Variants in FSHR observed in about 807,000 individuals in gnomAD.
FSHR encodes follicle-stimulating hormone receptor.
FSHR carries 46 observed loss-of-function variants against 52.1 expected under a neutral mutation model. The ratio of observed to expected loss-of-function variants is 0.88; its 90% confidence interval spans 0.70 to 1.13. The LOEUF is 1.13. Ranked by LOEUF, FSHR falls within the 50% of genes most tolerant of loss-of-function variation. The pLI, the probability that FSHR is intolerant of heterozygous loss-of-function variation, is 0.00. For synonymous variants in FSHR, 399 were observed against 309.6 expected, an observed-to-expected ratio of 1.29 and a Z score of -3.03; for missense variants, 964 against 834.6, an observed-to-expected ratio of 1.16 and a Z score of -1.91.
chr2:49,045,666 C>G (rs1315875613), intron 2 of FSHR, among the ~76,000 whole-genome samples: 1 of 152,072 alleles, frequency 6.6e-6, no homozygotes. Flanking sequence ...AATGGATACA[C>G]CTTATTTGAG....
At chr2:49,020,531 T>G (rs1365738373) in intron 2 of FSHR, among the ~76,000 whole-genome samples, 1 of 151,658 alleles carries the variant, frequency 6.6e-6, no homozygotes, top group Non-Finnish European at 1.5e-5. Flanking sequence ...TTTACAGGGC[T>G]AGATAGTAAA....
chr2:49,127,969 C>T (rs1191167418), intron 1 of FSHR, among the ~76,000 whole-genome samples: 2 of 148,380 alleles, frequency 1.3e-5, no homozygotes, highest in Non-Finnish European at 3.0e-5. Context: ...CTCCACTCAC[C>T]GCAACCTCTG....
intron 2 of FSHR, among the ~76,000 whole-genome samples, chr2:49,066,484 TC>T (rs1257812597): frequency 1.3e-5 from 2 of 152,046 alleles, no homozygotes; most frequent in East Asian, 3.9e-4. Flanking sequence ...CAGGTTCAGT[TC>T]AGTGCTGGGC....
At chr2:48,964,070 T>A in intron 9 of FSHR, 104 bp from the exon 10 acceptor site, 1 of 1,191,636 alleles carries the variant, frequency 8.4e-7, no homozygotes. Context: ...TTCCTGAGAT[T>A]TTTTTTTTTT....
chr2:48,984,140 C>T (rs939540928), intron 6 of FSHR, among the ~76,000 whole-genome samples: 1 of 152,182 alleles, frequency 6.6e-6, no homozygotes, highest in Non-Finnish European at 1.5e-5. Context: ...CTTTCCTGGG[C>T]TGCCATGGGT....
rs1362038315 is a variant in FSHR at position 48,963,378 on chromosome 2, C to T, written c.1443G>A (p.Val481=). The T allele has an allele frequency of 3.1e-6, 5 of 1,613,924 alleles. No individual in the cohort carries two copies. In the South Asian group the frequency reaches 5.5e-5, roughly 18 times the overall value. The change falls in exon 10 of 10, where the codon GTG becomes GTA. Residue 481 remains valine (V), a synonymous_variant. Transcript: ENST00000406846. Reference sequence around the variant, plus strand: ...TGACACTGGCAGCATGGCGGAGCTGCACCTTGCAGTCCAGCTGCATGGCAT... The same window carrying T: ...TGACACTGGCAGCATGGCGGAGCTGTACCTTGCAGTCCAGCTGCATGGCAT... ...ITHAMQLDCK[V]QLRHAASVMV...
chr2:49,105,737 C>A (rs543151300), intron 1 of FSHR, among the ~76,000 whole-genome samples: 2 of 152,130 alleles, frequency 1.3e-5, no homozygotes, highest in African/African-American at 4.8e-5. Flanking sequence ...CAGCTGCCTG[C>A]AAGCTGCCCC....
At chr2:49,111,942 G>C (rs1459817686) in intron 1 of FSHR, among the ~76,000 whole-genome samples, 1 of 152,162 alleles carries the variant, frequency 6.6e-6, no homozygotes, top group Non-Finnish European at 1.5e-5. Flanking sequence ...AGGAAGTAGG[G>C]CTGACAATAT....
intron 8 of FSHR, among the ~76,000 whole-genome samples, chr2:48,976,599 A>G (rs1331147460): frequency 4.6e-5 from 7 of 152,136 alleles, no homozygotes; most frequent in Non-Finnish European, 1.0e-4. Flanking sequence ...TTGGCTGTGA[A>G]TCTGTCTGGT....
At chr2:49,144,377 C>T (rs1672794951) in intron 1 of FSHR, among the ~76,000 whole-genome samples, 1 of 152,132 alleles carries the variant, frequency 6.6e-6, no homozygotes, top group Non-Finnish European at 1.5e-5. Context: ...ATCTGACTAG[C>T]ATAACTATTT....
At chr2:48,964,800 A>T (rs1224740587) in intron 9 of FSHR, among the ~76,000 whole-genome samples, 1 of 152,158 alleles carries the variant, frequency 6.6e-6, no homozygotes, top group Non-Finnish European at 1.5e-5. Context: ...TGTCAACAGG[A>T]TAGAGGTACT....
At chr2:49,071,949 T>C (rs1210591383) in intron 1 of FSHR, among the ~76,000 whole-genome samples, 1 of 152,086 alleles carries the variant, frequency 6.6e-6, no homozygotes, top group Non-Finnish European at 1.5e-5. Context: ...CACCTCCCAC[T>C]AGGTCACATC....
At chr2:48,973,392 T>G (rs1485321256) in intron 8 of FSHR, among the ~76,000 whole-genome samples, 1 of 152,194 alleles carries the variant, frequency 6.6e-6, no homozygotes, top group Non-Finnish European at 1.5e-5. Flanking sequence ...CCGCCTGAGC[T>G]GACATTGCAT....
intron 1 of FSHR, among the ~76,000 whole-genome samples, chr2:49,118,392 G>A (rs72879877): frequency 0.048 from 7,298 of 152,168 alleles, 523 homozygotes; most frequent in African/African-American, 0.16. Flanking sequence ...ACAAAGGGGT[G>A]CCGGCACTAG....
intron 8 of FSHR, among the ~76,000 whole-genome samples, chr2:48,982,127 C>T (rs958673891): frequency 3.9e-5 from 6 of 152,048 alleles, no homozygotes; most frequent in East Asian, 1.9e-4. Context: ...TGCAGATTGT[C>T]CCCCCACCAA....
chr2:49,021,921 A>AGAGAGAGAGAGAGAGAGAG (rs1667739794), intron 2 of FSHR, among the ~76,000 whole-genome samples: 1 of 126,724 alleles, frequency 7.9e-6, no homozygotes, highest in African/African-American at 3.1e-5. Flanking sequence ...AGAGAGAGAG[A>AGAGAGAGAGAGAGAGAGAG]ATGAACACCA....
intron 4 of FSHR, among the ~76,000 whole-genome samples, chr2:49,008,434 C>T (rs1174020210): frequency 4.0e-5 from 6 of 151,500 alleles, no homozygotes; most frequent in African/African-American, 7.3e-5. Context: ...CATTGTTGGA[C>T]ATTTGGGTTT....
intron 4 of FSHR, among the ~76,000 whole-genome samples, chr2:49,001,701 C>T (rs1460138748): frequency 6.6e-6 from 1 of 152,108 alleles, no homozygotes; most frequent in East Asian, 1.9e-4. Flanking sequence ...TCACAAATTC[C>T]AAGTGGCAAA....
chr2:48,966,904 C>T (rs1014462977), intron 9 of FSHR, among the ~76,000 whole-genome samples: 17 of 152,084 alleles, frequency 1.1e-4, no homozygotes, highest in Admixed American at 5.9e-4. Flanking sequence ...GGATGAGAGC[C>T]GAGTGGTCTG....
Sources: gnomAD v4.1 joint callset for allele counts (sites outside exome capture counted in the v4.1 genomes callset) on GRCh38, gnomAD v4.1.1 for gene constraint, MANE v1.5 for transcripts, NCBI Gene and HGNC (gene_info 2026-07-23, HGNC 2026-07-21) for gene names.